FRMD6: variants seen among roughly 807,000 people sequenced by gnomAD.
The protein encoded by FRMD6 is FERM domain-containing protein 6.
A neutral mutation model predicts 73.2 loss-of-function variants in FRMD6; 37 were observed. The ratio of observed to expected loss-of-function variants is 0.51; its 90% CI spans 0.39 to 0.66. The LOEUF (loss-of-function observed/expected upper bound fraction) is 0.66, where lower values mean the gene tolerates loss of function less well. Among genes scored for constraint, FRMD6 ranks in the 30% least tolerant of loss-of-function variants. The pLI, the probability that FRMD6 is intolerant of heterozygous loss-of-function variation, is 0.00. For missense variants in FRMD6, 714 were observed against 780.5 expected, an observed-to-expected ratio of 0.91 and a Z score of 1.02; for synonymous variants, 273 against 282.2, an observed-to-expected ratio of 0.97 and a Z score of 0.33.
intron 13 of FRMD6, 45 bp downstream of exon 13, chr14:51,725,915 AG>A: frequency 2.1e-6 from 3 of 1,424,716 alleles, no homozygotes; most frequent in Non-Finnish European, 3.0e-6. Flanking sequence ...CTGAAGTTAT[AG>A]AAAATTTTAA....
chr14:51,703,601 C>A (rs1896453857), intron 5 of FRMD6, among the ~76,000 whole-genome samples: 2 of 151,930 alleles, frequency 1.3e-5, no homozygotes, highest in South Asian at 4.2e-4. Context: ...AATAGTTAAC[C>A]CCCTGGGGCT....
At chr14:51,482,518 T>C in the FRMD6 span, among the ~76,000 whole-genome samples, 2 of 152,302 alleles carry the variant, frequency 1.3e-5, no homozygotes, top group East Asian at 3.9e-4. Context: ...TTACTCCCTC[T>C]ATCTCTGCTC....
At chr14:51,561,883 GA>G (rs1251025500) in intron 1 of FRMD6, among the ~76,000 whole-genome samples, 2 of 152,002 alleles carry the variant, frequency 1.3e-5, no homozygotes, top group African/African-American at 2.4e-5. Context: ...TATCCCAAAT[GA>G]AAAAAATATA....
At chr14:51,439,267 A>G in the FRMD6 span, among the ~76,000 whole-genome samples, 176 of 152,320 alleles carry the variant, frequency 1.2e-3, no homozygotes, top group African/African-American at 3.9e-3. Flanking sequence ...ACATCACTGT[A>G]TAGGAATCAG....
Position 51,659,589 on chromosome 14 carries a change from C to T in FRMD6, c.-147+7593C>T, listed in dbSNP as rs868845945. On this transcript the variant is annotated intron_variant, in intron 1 of 13. Coordinates refer to ENST00000344768, the MANE Select transcript of FRMD6 (RefSeq NM_001267046.2). ...TCTTAATTCTCTTCTAATTTCCAGC[C>T]GTCTCAGTCCTTCAGCTTCTGTCTG... 2.6e-5 allele frequency among the ~76,000 whole-genome samples: 4 copies of T among 152,170 alleles called. No individual in the cohort carries two copies. In the East Asian group the frequency reaches 5.8e-4, roughly 22 times the overall value.
At chr14:51,586,642 A>G (rs1444954156) in intron 2 of FRMD6, among the ~76,000 whole-genome samples, 1 of 152,094 alleles carries the variant, frequency 6.6e-6, no homozygotes, top group East Asian at 1.9e-4. Flanking sequence ...CTAAAAAATT[A>G]TTTGCCTTGG....
At chr14:51,429,424 AT>A in the FRMD6 span, among the ~76,000 whole-genome samples, 88,408 of 151,528 alleles carry the variant, frequency 0.58, 25,963 homozygotes, top group East Asian at 0.62. Context: ...AGTCATGAAG[AT>A]TTTTTTTTGT....
intron 1 of FRMD6, among the ~76,000 whole-genome samples, chr14:51,544,014 A>C (rs1596565619): frequency 6.6e-6 from 1 of 151,978 alleles, no homozygotes; most frequent in East Asian, 1.9e-4. Context: ...CAAACATATA[A>C]AAAATTCTTT....
chr14:51,421,114 A>G, the FRMD6 span, among the ~76,000 whole-genome samples: 2 of 152,136 alleles, frequency 1.3e-5, no homozygotes, highest in Non-Finnish European at 2.9e-5. Flanking sequence ...AGATTTTGGT[A>G]TCCATGACAG....
the FRMD6 span, among the ~76,000 whole-genome samples, chr14:51,401,100 A>G: frequency 6.6e-6 from 1 of 152,238 alleles, no homozygotes; most frequent in Non-Finnish European, 1.5e-5. Context: ...ATTTTAAAAC[A>G]CAATTTAAAA....
chr14:51,569,694 G>A (rs1384158510), intron 1 of FRMD6, among the ~76,000 whole-genome samples: 1 of 151,280 alleles, frequency 6.6e-6, no homozygotes, highest in Non-Finnish European at 1.5e-5. Context: ...TGGAGACAGG[G>A]TTTTGCCATG....
chr14:51,584,939 T>C (rs1888938403), intron 2 of FRMD6, among the ~76,000 whole-genome samples: 1 of 152,202 alleles, frequency 6.6e-6, no homozygotes, highest in Non-Finnish European at 1.5e-5. Context: ...AAAAAGATAT[T>C]GTGATCAGTG....
rs558005998 is a variant in FRMD6, at chr14:51,664,456, T to A, written c.-147+12460T>A. Among the ~76,000 whole-genome samples, 15 of 152,370 alleles carry A rather than the reference T, an allele frequency of 9.8e-5. No homozygotes were observed. The East Asian group carries it at 2.9e-3, about 29-fold the overall frequency. On this transcript the variant is annotated intron_variant, in intron 1 of 13. Transcript: ENST00000344768. ...GTGTCTGATACTAATTATCTTCTCT[T>A]TCTCTAAGCTTATTAAAATGCTAAC...
At chr14:51,406,459 C>T in the FRMD6 span, among the ~76,000 whole-genome samples, 24,980 of 151,870 alleles carry the variant, frequency 0.16, 2,281 homozygotes, top group Middle Eastern at 0.25. Flanking sequence ...CATGAGCATG[C>T]GATGTTTTCT....
At chr14:51,496,696 T>G (rs1295111443) in intron 1 of FRMD6, among the ~76,000 whole-genome samples, 1 of 152,224 alleles carries the variant, frequency 6.6e-6, no homozygotes, top group African/African-American at 2.4e-5. Context: ...ACTCTACCTC[T>G]TAATGAGAAG....
At chr14:51,609,970 T>C (rs2139856816) in intron 2 of FRMD6, among the ~76,000 whole-genome samples, 1 of 152,296 alleles carries the variant, frequency 6.6e-6, no homozygotes, top group South Asian at 2.1e-4. Context: ...TAAGCAGGAA[T>C]ATCATGTTCA....
At chr14:51,651,202 C>A, upstream of FRMD6, 1 of 152,430 alleles carries the variant, frequency 6.6e-6, no homozygotes, top group Non-Finnish European at 1.5e-5. Flanking sequence ...CAGACAGAGG[C>A]TGTGTCTACC....
chr14:51,410,419 T>C, the FRMD6 span, among the ~76,000 whole-genome samples: 2 of 152,212 alleles, frequency 1.3e-5, no homozygotes, highest in Admixed American at 6.5e-5. Flanking sequence ...ATGCTTACTT[T>C]CTTCTAGAAG....
intron 1 of FRMD6, among the ~76,000 whole-genome samples, chr14:51,652,506 C>T (rs989096811): frequency 6.6e-6 from 1 of 152,184 alleles, no homozygotes; most frequent in East Asian, 1.9e-4. Flanking sequence ...CCCGCGCTCC[C>T]GGGGGCTGCG....
Sources: allele counts gnomAD v4.1 joint callset (sites outside exome capture counted in the v4.1 genomes callset), GRCh38; gene constraint gnomAD v4.1.1; transcripts MANE v1.5; gene names NCBI Gene and HGNC (gene_info 2026-07-23, HGNC 2026-07-21).